IZUMO1: variants seen among roughly 807,000 people sequenced by gnomAD.
IZUMO1 encodes izumo sperm-egg fusion protein 1.
In IZUMO1, 44 loss-of-function variants were observed where a neutral mutation model predicts 40.7. The observed-to-expected ratio is 1.08, with a 90% CI of 0.85 to 1.39. The LOEUF is 1.39. Among genes scored for constraint, IZUMO1 ranks in the 40% most tolerant of loss-of-function variants. The pLI is 0.00. For missense variants in IZUMO1, 368 were observed against 436.9 expected, an observed-to-expected ratio of 0.84 and a Z score of 1.41; for synonymous variants, 149 against 170.9, an observed-to-expected ratio of 0.87 and a Z score of 1.00.
At chr19:48,742,725 CT>C (rs34894807) in intron 6 of IZUMO1, among the ~76,000 whole-genome samples, 157 of 93,478 alleles carry the variant, frequency 1.7e-3, no homozygotes, top group Middle Eastern at 7.7e-3. Context: ...TTCTCTCTCT[CT>C]TTTTTTTTTT....
Position 48,744,553 on chromosome 19 carries a change from G to C in IZUMO1, c.311-14C>G, listed in dbSNP as rs1397416608. On this transcript the variant is annotated splice_polypyrimidine_tract_variant and intron_variant, in intron 3 of 9. Coordinates refer to ENST00000332955, the MANE Select transcript of IZUMO1 (RefSeq NM_182575.3). ...CGAAGAGATCGCCTGGGAAGACACA[G>C]GAACCCCCAATCCCACGTGTGAGGT... 6.3e-7 allele frequency: 1 copy of C among 1,590,004 alleles called. No individual in the cohort carries two copies. Among genetic ancestry groups the C allele is most frequent in the Non-Finnish European group, 8.6e-7 (1 of 1,158,402 alleles).
In IZUMO1 at chr19:48,746,291, C is replaced by T. The variant is rs28400018; in HGVS notation, c.-74+144G>A. The T allele has an allele frequency of 2.2e-3, 2,217 of 1,026,668 alleles. 35 individuals are homozygous for T. In the African/African-American group the frequency reaches 0.034, roughly 16 times the overall value. The allele number at this position is 1,026,668 out of a possible 1,614,324, so 63.6% of individuals were successfully genotyped here. On this transcript the variant is annotated intron_variant, in intron 1 of 9. Transcript: ENST00000332955. ...GAGCCTGAACTCCAACCCTTAAGAG[C>T]AACACCGAGGCACTCCCCCGCCAGC...
rs2033845779 is a variant in IZUMO1 at position 48,745,264 on chromosome 19, G to A, written c.260C>T (p.Ser87Phe). 1 of 1,613,906 alleles carries A rather than the reference G, an allele frequency of 6.2e-7. No homozygotes were observed. The highest frequency in any genetic ancestry group is 8.5e-7 in the Non-Finnish European group (1 of 1,179,932). Residue 87 changes from serine (S) to phenylalanine (F), a missense_variant, in exon 3 of 10, where the codon TCC becomes TTC. By Grantham distance (155) the Ser-to-Phe change is radical. Transcript: ENST00000332955. ...VVDEATLQKG[S>F]WSLLKDLKRI... ...TTTCAGATCCTTCAGCAAACTCCAG[G>A]ACCCCTTTTGCAGTGTGGCCTCATC...
At chr19:48,743,663 T>G (rs2033791356) in intron 5 of IZUMO1, 138 bp from the exon 6 acceptor site, 1 of 682,446 alleles carries the variant, frequency 1.5e-6, no homozygotes, top group African/African-American at 1.8e-5. Flanking sequence ...AGGACGCAGG[T>G]AAGTAGTAAG....
Position 48,741,082 on chromosome 19 carries a change from TG to T in IZUMO1, c.933-55del, listed in dbSNP as rs374483714. 350 of 1,607,580 alleles carry T rather than the reference TG, an allele frequency of 2.2e-4. 1 individual carries two copies. The highest frequency in any genetic ancestry group is 1.1e-3 in the Middle Eastern group (5 of 4,756). Reference sequence around the variant, plus strand: ...GGAACCGGTTTGGGTACTAATTGTGTGGGGGACACCCCTCCCAACCTCCCCC... The same window carrying T: ...GGAACCGGTTTGGGTACTAATTGTGTGGGGACACCCCTCCCAACCTCCCCC... On this transcript the variant is annotated intron_variant, in intron 9 of 9. Transcript: ENST00000332955. The surrounding 1 kb of genome is among the most constrained non-coding windows in gnomAD (Gnocchi z 4.4).
Position 48,741,009 on chromosome 19 carries a change from C to A in IZUMO1, c.952G>T (p.Val318Leu). The change falls in exon 10 of 10, where the codon GTG (valine) becomes TTG (leucine). Residue 318 changes from valine to leucine, a missense_variant. Coordinates refer to ENST00000332955, the MANE Select transcript of IZUMO1 (RefSeq NM_182575.3). This position sits in a 1 kb window ranked among gnomAD's most constrained non-coding sequence, Gnocchi z 4.4. ...AGTGAGGATTTGATGAAATCGATCA[C>A]CTTCCTTCGACGAAATATCCTAGGG... ...LTFAIFRRRK[V>L]IDFIKSSLFG... The A allele has an allele frequency of 6.2e-7, 1 of 1,614,078 alleles. No individual in the cohort carries two copies. The highest frequency in any genetic ancestry group is 8.5e-7 in the Non-Finnish European group (1 of 1,179,994).
At position 48,741,764 on chromosome 19, in the gene IZUMO1, C is replaced by T; in HGVS notation, c.754+25G>A. The T allele has an allele frequency of 6.5e-7, 1 of 1,534,448 alleles. No individual in the cohort carries two copies. Among genetic ancestry groups the T allele is most frequent in the Non-Finnish European group, 8.8e-7 (1 of 1,136,754 alleles). On this transcript the variant is annotated intron_variant, in intron 8 of 9. Coordinates refer to ENST00000332955, the MANE Select transcript of IZUMO1 (RefSeq NM_182575.3). This position sits in a 1 kb window ranked among gnomAD's most constrained non-coding sequence, Gnocchi z 4.4. ...GCTTTCCTGGGCCCTGAATCCTACA[C>T]TTCTCTCAGCCCCACAGCACTGACC...
chr19:48,743,229 T>C (rs992458706), intron 6 of IZUMO1: 1 of 577,562 alleles, frequency 1.7e-6, no homozygotes, highest in Non-Finnish European at 3.1e-6. Context: ...AGTCTCGCTA[T>C]GTTGCCCAGG....
In IZUMO1 at chr19:48,740,900, A is replaced by T; in HGVS notation, c.*8T>A. On this transcript the variant is annotated 3_prime_UTR_variant, in exon 10 of 10. Coordinates refer to ENST00000332955, the MANE Select transcript of IZUMO1 (RefSeq NM_182575.3). The surrounding 1 kb of genome is among the most constrained non-coding windows in gnomAD (Gnocchi z 5.5). ...GTGAGTCAGATGCTTAGACAACAAG[A>T]TAAATCTTTATTGTTGCCTCGAATC... The T allele has an allele frequency of 1.2e-6, 2 of 1,614,108 alleles. No homozygotes were observed. The highest frequency in any genetic ancestry group is 1.7e-6 in the Non-Finnish European group (2 of 1,179,980).
Position 48,741,944 on chromosome 19 carries a change from T to C in IZUMO1, c.601-2A>G. ...GGTCTCCGTATTGTTCCCCCAAACC[T>C]AGACCCAAGCTCAAGGGGTCACTGA... On this transcript the variant is annotated splice_acceptor_variant, in intron 7 of 9. Coordinates refer to ENST00000332955, the MANE Select transcript of IZUMO1 (RefSeq NM_182575.3). LOFTEE classifies it high-confidence loss of function. This position sits in a 1 kb window ranked among gnomAD's most constrained non-coding sequence, Gnocchi z 4.4. 6.3e-7 allele frequency: 1 copy of C among 1,592,442 alleles called. No homozygotes were observed. The highest frequency in any genetic ancestry group is 8.6e-7 in the Non-Finnish European group (1 of 1,166,600).
chr19:48,746,865 T>C lies in IZUMO1; in HGVS notation c.-504A>G. The C allele has an allele frequency of 1.0e-6, 1 of 985,398 alleles. No individual in the cohort carries two copies. Among genetic ancestry groups the C allele is most frequent in the Non-Finnish European group, 1.2e-6 (1 of 829,910 alleles). The allele number at this position is 985,398 out of a possible 1,614,324, so 61.0% of individuals were successfully genotyped here. A position where few individuals can be genotyped will look rare whatever the true frequency, so the allele number is the denominator to read the frequency against. On this transcript the variant is annotated 5_prime_UTR_variant, in exon 1 of 10. Coordinates refer to ENST00000332955, the MANE Select transcript of IZUMO1 (RefSeq NM_182575.3). ...ACAAGGAACTCCTGAAACCACCCCC[T>C]CCGAGCTTCTCACGTAGGGGCCCGA...
chr19:48,743,383 T>A (rs1220528151), intron 6 of IZUMO1, 62 bp downstream of exon 6: 1 of 1,510,778 alleles, frequency 6.6e-7, no homozygotes, highest in Admixed American at 1.7e-5. Context: ...CTCTCTAGAC[T>A]GCCTCTCCTC....
intron 2 of IZUMO1, 165 bp downstream of exon 2, chr19:48,745,460 G>T: frequency 9.5e-7 from 1 of 1,047,456 alleles, no homozygotes; most frequent in Non-Finnish European, 1.4e-6. Flanking sequence ...TGCCAGCCGA[G>T]GATAGGGAAA....
rs566830141 is a variant in IZUMO1, at chr19:48,743,359, C to G, written c.499+86G>C. 28 of 1,284,238 alleles carry G rather than the reference C, an allele frequency of 2.2e-5. No individual in the cohort carries two copies. In the African/African-American group the frequency reaches 2.9e-4, roughly 13 times the overall value. The allele number at this position is 1,284,238 out of a possible 1,614,324, so 79.6% of individuals were successfully genotyped here. A position where few individuals can be genotyped will look rare whatever the true frequency, so the allele number is the denominator to read the frequency against. On this transcript the variant is annotated intron_variant, in intron 6 of 9. Transcript: ENST00000332955. ...CCTTTTCTTGTCTACTGCCCCCACA[C>G]CCCCATCTAGGCTCTCTCTAGACTG...
intron 5 of IZUMO1, 116 bp downstream of exon 5, chr19:48,744,058 AC>A: frequency 1.2e-6 from 1 of 852,646 alleles, no homozygotes. Context: ...AATACTGGAG[AC>A]CCAGGAACCT....
At position 48,741,879 on chromosome 19, in the gene IZUMO1, T is replaced by C. The variant is rs1228048342; in HGVS notation, c.664A>G (p.Met222Val). 1 of 1,612,554 alleles carries C rather than the reference T, an allele frequency of 6.2e-7. No homozygotes were observed. The highest frequency in any genetic ancestry group is 2.2e-5 in the East Asian group (1 of 44,836). Residue 222 changes from methionine to valine, a missense_variant, in exon 8 of 10, where the codon ATG becomes GTG. Physicochemically the swap from Met to Val is conservative, Grantham distance 21 (BLOSUM62 1). Coordinates refer to ENST00000332955, the MANE Select transcript of IZUMO1 (RefSeq NM_182575.3). The surrounding 1 kb of genome is among the most constrained non-coding windows in gnomAD (Gnocchi z 4.4). ...KGKEATLTKP[M>V]VGPEDAGSYR... is the part of the protein sequence containing the mutation. ...CTGCCTGCATCCTCTGGACCCACCA[T>C]GGGCTTGGTCAGGGTGGCCTCTTTC...
chr19:48,742,460 G>A, intron 6 of IZUMO1, 151 bp from the exon 7 acceptor site: 1 of 625,430 alleles, frequency 1.6e-6, no homozygotes, highest in East Asian at 2.8e-5. Flanking sequence ...CGATTCTCTT[G>A]CCTCAGCCTC....
chr19:48,744,571 T>C, intron 3 of IZUMO1, 32 bp from the exon 4 acceptor site: 1 of 1,499,094 alleles, frequency 6.7e-7, no homozygotes, highest in Non-Finnish European at 9.3e-7. Flanking sequence ...CAATCCCACG[T>C]GTGAGGTGTT....
chr19:48,741,529 C>G lies in IZUMO1; in HGVS notation c.755-51G>C, dbSNP rs1399199074. 1.9e-6 allele frequency: 3 copies of G among 1,562,078 alleles called. No homozygotes were observed. In the East Asian group the frequency reaches 6.8e-5, roughly 35 times the overall value. Reference sequence around the variant, plus strand: ...TCCTGGCAGGGCGTGGAGTTCCTGCCCTGGCAAAGACAAGCCCGTCCCAGT... The same window carrying G: ...TCCTGGCAGGGCGTGGAGTTCCTGCGCTGGCAAAGACAAGCCCGTCCCAGT... On this transcript the variant is annotated intron_variant, in intron 8 of 9. Transcript: ENST00000332955. This position sits in a 1 kb window ranked among gnomAD's most constrained non-coding sequence, Gnocchi z 4.4.
Sources: allele counts gnomAD v4.1 joint callset (sites outside exome capture counted in the v4.1 genomes callset), GRCh38; gene constraint gnomAD v4.1.1; non-coding constraint Gnocchi (gnomAD v3.1); transcripts MANE v1.5; gene names NCBI Gene and HGNC (gene_info 2026-07-23, HGNC 2026-07-21).